PLOD2: variants seen among roughly 807,000 people sequenced by gnomAD.
The protein encoded by PLOD2 is procollagen-lysine,2-oxoglutarate 5-dioxygenase 2, also known as lysine hydroxylase 2.
A neutral mutation model predicts 101.0 loss-of-function variants in PLOD2; 65 were observed. The observed-to-expected ratio is 0.64, with a 90% CI of 0.53 to 0.79. The LOEUF is 0.79. Among genes scored for constraint, PLOD2 ranks in the 30% least tolerant of loss-of-function variants. The pLI, the probability that PLOD2 is intolerant of heterozygous loss-of-function variation, is 0.00. For missense variants in PLOD2, 909 were observed against 914.6 expected (o/e 0.99, Z 0.08); for synonymous variants, 314 against 302.9 (o/e 1.04, Z -0.38).
At chr3:146,123,308 G>A in intron 2 of PLOD2, 1 of 1,164,774 alleles carries the variant, frequency 8.6e-7, no homozygotes, top group South Asian at 1.6e-5. Flanking sequence ...AAAAGACTTG[G>A]CTGACAGATC....
intron 12 of PLOD2, among the ~76,000 whole-genome samples, chr3:146,079,521 A>G (rs1008872566): frequency 2.0e-5 from 3 of 152,108 alleles, no homozygotes; most frequent in Admixed American, 1.3e-4. Context: ...TATAGCTATC[A>G]TATCTCAATC....
At chr3:146,153,508 A>G (rs1370303736) in intron 1 of PLOD2, among the ~76,000 whole-genome samples, 1 of 152,166 alleles carries the variant, frequency 6.6e-6, no homozygotes, top group Non-Finnish European at 1.5e-5. Context: ...TTAAAACAGA[A>G]TAGTCAATGA....
chr3:146,073,184 G>T, intron 16 of PLOD2, 103 bp downstream of exon 16: 2 of 549,676 alleles, frequency 3.6e-6, no homozygotes, highest in South Asian at 2.5e-5. Context: ...TACCTAAAAG[G>T]TAGTTTCTCC....
At chr3:146,073,226 T>C (rs540655267) in intron 16 of PLOD2, 61 bp downstream of exon 16, 1 of 670,772 alleles carries the variant, frequency 1.5e-6, no homozygotes, top group South Asian at 1.8e-5. Flanking sequence ...GTAGTATTAA[T>C]AATATTTCTT....
At position 146,071,381 on chromosome 3, in the gene PLOD2, C is replaced by G. The variant is rs761818285; in HGVS notation, c.1891G>C (p.Asp631His). 1.9e-6 allele frequency: 3 copies of G among 1,611,730 alleles called. No homozygotes were observed. The highest frequency in any genetic ancestry group is 2.5e-6 in the Non-Finnish European group (3 of 1,178,518). ...AGATCAACTTGCTTCATGTGGATAT[C>G]ATCAGTTGGGACATTTTCATAACCA... ...SGGYENVPTD[D>H]IHMKQVDLEN... The change falls in exon 18 of 20, where the codon GAT becomes CAT. Residue 631 changes from aspartate to histidine, a missense_variant. By Grantham distance (81) the Asp-to-His change is moderately conservative (BLOSUM62 -1). Transcript: ENST00000282903.
chr3:146,152,079 A>C (rs375216261), intron 1 of PLOD2, among the ~76,000 whole-genome samples: 19 of 152,354 alleles, frequency 1.2e-4, no homozygotes, highest in African/African-American at 4.3e-4. Flanking sequence ...ACTAAAATCA[A>C]GAATTAAAGC....
intron 7 of PLOD2, among the ~76,000 whole-genome samples, chr3:146,095,207 A>T (rs1340736632): frequency 1.3e-5 from 2 of 152,178 alleles, no homozygotes; most frequent in Non-Finnish European, 1.5e-5. Context: ...CAAAAGCCAA[A>T]ATTGGCAAAT....
At chr3:146,114,983 G>T (rs922257529) in intron 3 of PLOD2, among the ~76,000 whole-genome samples, 1 of 152,088 alleles carries the variant, frequency 6.6e-6, no homozygotes, top group Non-Finnish European at 1.5e-5. Flanking sequence ...ACTTGGGGGG[G>T]ATGAATTAAT....
chr3:146,154,277 G>A (rs925778534), intron 1 of PLOD2, among the ~76,000 whole-genome samples: 3 of 151,976 alleles, frequency 2.0e-5, no homozygotes, highest in African/African-American at 4.8e-5. Context: ...CTTGAAATAC[G>A]GTTTTTTCTT....
At chr3:146,157,226 G>A (rs563552271) in intron 1 of PLOD2, among the ~76,000 whole-genome samples, 1 of 152,278 alleles carries the variant, frequency 6.6e-6, no homozygotes, top group East Asian at 1.9e-4. Context: ...CAAAACCTGA[G>A]AATGTCTGTG....
intron 3 of PLOD2, among the ~76,000 whole-genome samples, chr3:146,113,431 C>T (rs77985716): frequency 0.01 from 1,579 of 152,248 alleles, 35 homozygotes; most frequent in African/African-American, 0.036. Flanking sequence ...ACAGGTGTTG[C>T]GGGAAGTCAG....
rs1937605255 is a variant in PLOD2 at position 146,110,317 on chromosome 3, A to G, written c.470T>C (p.Val157Ala). Reference protein sequence around the residue: ...DKRLADKYPVVHIGKRYLNSG... With the variant: ...DKRLADKYPVAHIGKRYLNSG... Reference sequence around the variant, plus strand: ...ATTCAGATAGCGTTTCCCAATGTGCACAACAGGATACTTGTCTGCTAGTCT... The same window carrying G: ...ATTCAGATAGCGTTTCCCAATGTGCGCAACAGGATACTTGTCTGCTAGTCT... Residue 157 changes from valine (V) to alanine (A), a missense_variant, in exon 4 of 20, where the codon GTG becomes GCG. By Grantham distance (64) the Val-to-Ala change is moderately conservative. Transcript: ENST00000282903. The G allele has an allele frequency of 6.2e-7, 1 of 1,613,868 alleles. No individual in the cohort carries two copies. Among genetic ancestry groups the G allele is most frequent in the Non-Finnish European group, 8.5e-7 (1 of 1,179,838 alleles).
chr3:146,091,058 T>C (rs1307405055), intron 8 of PLOD2, among the ~76,000 whole-genome samples: 2 of 151,900 alleles, frequency 1.3e-5, no homozygotes, highest in Non-Finnish European at 3.0e-5. Context: ...AAATGTTTTA[T>C]AGATTAATAA....
intron 1 of PLOD2, among the ~76,000 whole-genome samples, chr3:146,142,115 A>T (rs1384050170): frequency 6.6e-6 from 1 of 152,154 alleles, no homozygotes; most frequent in African/African-American, 2.4e-5. Flanking sequence ...TTGCCAAATT[A>T]TAACTTTCAA....
intron 1 of PLOD2, among the ~76,000 whole-genome samples, chr3:146,132,250 A>G (rs373644804): frequency 8.5e-4 from 130 of 152,290 alleles, no homozygotes; most frequent in African/African-American, 3.0e-3. Flanking sequence ...TTAAAACTGG[A>G]AAAGTCCTAG....
chr3:146,071,076 T>C lies in PLOD2; in HGVS notation c.2087A>G (p.Asn696Ser). Residue 696 changes from asparagine to serine, a missense_variant, in exon 19 of 20, where the codon AAC becomes AGC. Physicochemically the swap from Asn to Ser is conservative, Grantham distance 46 (BLOSUM62 1). Coordinates refer to ENST00000282903, the MANE Select transcript of PLOD2 (RefSeq NM_182943.3). ...PHHDASTFTI[N>S]IALNNVGEDF... ...TTCTCCCACGTTATTAAGTGCAATG[T>C]TTATGGTAAATGTAGAAGCATCATG... is the stretch of plus-strand genomic sequence containing the variant. 1.2e-6 allele frequency: 2 copies of C among 1,609,306 alleles called. No homozygotes were observed. The highest frequency in any genetic ancestry group is 1.7e-6 in the Non-Finnish European group (2 of 1,176,396).
chr3:146,104,528 C>T lies in PLOD2; in HGVS notation c.616-186G>A, dbSNP rs548960269. 2.6e-5 allele frequency among the ~76,000 whole-genome samples: 4 copies of T among 152,166 alleles called. No homozygotes were observed. The South Asian group carries it at 8.3e-4, about 31-fold the overall frequency. On this transcript the variant is annotated intron_variant, in intron 5 of 19. Transcript: ENST00000282903. ...AAGGTAGAAACTGCGATAGTTGCAA[C>T]TCATTGCAAAATACACTTAAAGAAA...
chr3:146,105,498 C>T (rs890591167), intron 5 of PLOD2, among the ~76,000 whole-genome samples: 4 of 152,202 alleles, frequency 2.6e-5, no homozygotes, highest in Non-Finnish European at 5.9e-5. Context: ...TTTCTCAACA[C>T]CCATAATCTC....
At chr3:146,088,481 C>A in intron 9 of PLOD2, 105 bp downstream of exon 9, 3 of 796,140 alleles carry the variant, frequency 3.8e-6, no homozygotes, top group Non-Finnish European at 6.2e-6. Flanking sequence ...CAAAAATCCT[C>A]CACTGAACTT....
Sources: gnomAD v4.1 joint callset for allele counts (sites outside exome capture counted in the v4.1 genomes callset) on GRCh38, gnomAD v4.1.1 for gene constraint, MANE v1.5 for transcripts, NCBI Gene and HGNC (gene_info 2026-07-23, HGNC 2026-07-21) for gene names.